SLC30A6: variants seen among roughly 807,000 people sequenced by gnomAD.
SLC30A6 encodes zinc transporter 6.
A neutral mutation model predicts 63.0 loss-of-function variants in SLC30A6; 55 were observed. The ratio of observed to expected loss-of-function variants is 0.87; its 90% confidence interval spans 0.70 to 1.09. The LOEUF (loss-of-function observed/expected upper bound fraction) is 1.09, where lower values mean the gene tolerates loss of function less well. SLC30A6 is among the 50% of genes least tolerant of loss of function. The probability of loss-of-function intolerance (pLI) is 0.00; values close to 1 mark genes in which losing one functional copy is unlikely to be tolerated. For missense variants in SLC30A6, 587 were observed against 549.2 expected, an observed-to-expected ratio of 1.07 and a Z score of -0.69; for synonymous variants, 224 against 186.1, an observed-to-expected ratio of 1.20 and a Z score of -1.66.
intron 10 of SLC30A6, chr2:32,203,143 C>A: frequency 1.6e-6 from 2 of 1,269,676 alleles, no homozygotes; most frequent in Non-Finnish European, 2.3e-6. Flanking sequence ...ACCAACGTGG[C>A]TGCCTGTGGT....
chr2:32,203,899 C>A, intron 10 of SLC30A6: 1 of 907,376 alleles, frequency 1.1e-6, no homozygotes, highest in Non-Finnish European at 1.9e-6. Context: ...GTCAGTTAGA[C>A]AGAGTCCACA....
intron 10 of SLC30A6, among the ~76,000 whole-genome samples, chr2:32,198,171 T>G (rs1407803005): frequency 2.0e-5 from 3 of 152,186 alleles, no homozygotes; most frequent in Non-Finnish European, 4.4e-5. Context: ...AACAATTTTT[T>G]AAAAATAAAG....
At chr2:32,193,601 C>T (rs368977532) in intron 7 of SLC30A6, among the ~76,000 whole-genome samples, 4 of 152,108 alleles carry the variant, frequency 2.6e-5, no homozygotes, top group African/African-American at 9.7e-5. Flanking sequence ...TCCAGTATAT[C>T]GTAAAACAAA....
At position 32,209,578 on chromosome 2, in the gene SLC30A6, A is replaced by G. The variant is rs1685076311; in HGVS notation, c.885+17A>G. 2.5e-6 allele frequency: 4 copies of G among 1,573,144 alleles called. No individual in the cohort carries two copies. The highest frequency in any genetic ancestry group is 3.4e-6 in the Non-Finnish European group (4 of 1,160,204). On this transcript the variant is annotated intron_variant, in intron 13 of 13. Transcript: ENST00000282587. ...GGCTCATTGGTATGTTCTTTTACAT[A>G]TGACTTTAGTTATAATTTAAAATAT... is the stretch of plus-strand genomic sequence containing the variant.
chr2:32,197,891 G>A, intron 10 of SLC30A6, 65 bp downstream of exon 10: 5 of 1,587,070 alleles, frequency 3.2e-6, no homozygotes, highest in Non-Finnish European at 4.3e-6. Context: ...AAGGGCATCA[G>A]CAGGATGGAT....
Position 32,197,833 on chromosome 2 carries a change from AT to A in SLC30A6, c.665+13del, listed in dbSNP as rs759913003. 1.9e-6 allele frequency: 3 copies of A among 1,613,026 alleles called. No individual in the cohort carries two copies. In the South Asian group the frequency reaches 3.3e-5, roughly 18 times the overall value. ...ATATGCTCATTGAAATTAAGTGAGT[AT>A]TTTTTATTGTTGTCAAGTATGTTTT... On this transcript the variant is annotated splice_region_variant and intron_variant, in intron 10 of 13. Transcript: ENST00000282587.
At chr2:32,198,810 C>T (rs1484644413) in intron 10 of SLC30A6, among the ~76,000 whole-genome samples, 1 of 152,156 alleles carries the variant, frequency 6.6e-6, no homozygotes, top group Non-Finnish European at 1.5e-5. Flanking sequence ...TCTTGAACTC[C>T]TGACCTTAGG....
At chr2:32,193,472 G>T (rs1270611968) in intron 7 of SLC30A6, among the ~76,000 whole-genome samples, 2 of 152,042 alleles carry the variant, frequency 1.3e-5, no homozygotes, top group Non-Finnish European at 2.9e-5. Flanking sequence ...ATATATATAT[G>T]AAAAGAGAAT....
intron 1 of SLC30A6, among the ~76,000 whole-genome samples, chr2:32,169,642 G>A (rs986368293): frequency 6.6e-6 from 1 of 152,176 alleles, no homozygotes; most frequent in African/African-American, 2.4e-5. Flanking sequence ...AGCCGGGCGT[G>A]GTGGTGGGTA....
intron 10 of SLC30A6, among the ~76,000 whole-genome samples, chr2:32,198,243 T>C (rs942710443): frequency 1.2e-4 from 18 of 152,240 alleles, no homozygotes. Context: ...TATGATTCTT[T>C]GGCTACCCAC....
At chr2:32,211,597 AGT>A (rs1302282709) in intron 13 of SLC30A6, among the ~76,000 whole-genome samples, 1 of 150,198 alleles carries the variant, frequency 6.7e-6, no homozygotes, top group African/African-American at 2.4e-5. Flanking sequence ...TCAGGTATGC[AGT>A]GCACCCTTTC....
In SLC30A6 at chr2:32,184,293, G is replaced by C; in HGVS notation, c.239G>C (p.Ser80Thr). 2 of 1,545,668 alleles carry C rather than the reference G, an allele frequency of 1.3e-6. No individual in the cohort carries two copies. The highest frequency in any genetic ancestry group is 2.5e-5 in the South Asian group (2 of 78,854). ...CTTAGTTTAATGACATGTTTAATAA[G>C]TTACTGGGTAACATTGAGGAAACCT... ...DLFSLMTCLI[S>T]YWVTLRKPSP... Residue 80 changes from serine (S) to threonine (T), a missense_variant, in exon 5 of 14, where the codon AGT becomes ACT. Coordinates refer to ENST00000282587, the MANE Select transcript of SLC30A6 (RefSeq NM_017964.5).
At chr2:32,204,811 ATTTTT>A in intron 11 of SLC30A6, 119 bp downstream of exon 11, 3 of 182,972 alleles carry the variant, frequency 1.6e-5, no homozygotes, top group Non-Finnish European at 2.9e-5. Flanking sequence ...TTTAATTTTA[ATTTTT>A]TTTTTTTTTT....
chr2:32,180,134 G>A (rs532089322), intron 4 of SLC30A6, among the ~76,000 whole-genome samples: 1 of 152,044 alleles, frequency 6.6e-6, no homozygotes, highest in South Asian at 2.1e-4. Context: ...AGGCACAGTG[G>A]CTCATGCCTG....
chr2:32,165,897 TATC>T lies in SLC30A6; in HGVS notation c.-1_2del. The T allele has an allele frequency of 6.2e-7, 1 of 1,614,154 alleles. No individual in the cohort carries two copies. The highest frequency in any genetic ancestry group is 8.5e-7 in the Non-Finnish European group (1 of 1,180,004). ...TTCCGGCGGGAGCTGTGCAGCTCCT[TATC>T]ATGGTGAGTTGGCTGTTGGGGTGAG... On this transcript the variant is annotated 5_prime_UTR_variant, in exon 1 of 14. Coordinates refer to ENST00000282587, the MANE Select transcript of SLC30A6 (RefSeq NM_017964.5).
chr2:32,191,428 G>T (rs766685920), intron 5 of SLC30A6, among the ~76,000 whole-genome samples: 1 of 151,804 alleles, frequency 6.6e-6, no homozygotes, highest in Non-Finnish European at 1.5e-5. Flanking sequence ...CTGTGCCTCC[G>T]TGATTATTTT....
rs1368255540 is a variant in SLC30A6 at position 32,174,089 on chromosome 2, A to G, written c.117A>G (p.Val39=). ...CCTGGAAGATACTGCTCTTTGGTGTAATAAACTTGATATGTACTGGCTTCC... is the reference window on the plus strand; with the variant it reads ...CCTGGAAGATACTGCTCTTTGGTGTGATAAACTTGATATGTACTGGCTTCC... The part of the protein sequence containing the change: ...RRSWKILLFG[V]INLICTGFLL... Residue 39 remains valine, a synonymous_variant, in exon 3 of 14, where the codon GTA becomes GTG. Transcript: ENST00000282587. 6.2e-7 allele frequency: 1 copy of G among 1,613,708 alleles called. No homozygotes were observed. Among genetic ancestry groups the G allele is most frequent in the Non-Finnish European group, 8.5e-7 (1 of 1,179,764 alleles).
intron 8 of SLC30A6, 75 bp from the exon 9 acceptor site, chr2:32,197,269 T>A: frequency 3.7e-6 from 5 of 1,335,982 alleles, no homozygotes; most frequent in Non-Finnish European, 5.1e-6. Context: ...TTTTTTAAAA[T>A]TAAAGAACTC....
chr2:32,181,673 C>T (rs998341764), intron 4 of SLC30A6, among the ~76,000 whole-genome samples: 17 of 151,964 alleles, frequency 1.1e-4, no homozygotes, highest in Admixed American at 2.6e-4. Context: ...TCGAAACCAC[C>T]CTGGGCAACA....
Sources: allele counts gnomAD v4.1 joint callset (sites outside exome capture counted in the v4.1 genomes callset), GRCh38; gene constraint gnomAD v4.1.1; transcripts MANE v1.5; gene names NCBI Gene and HGNC (gene_info 2026-07-23, HGNC 2026-07-21).